Variants in SERINC1 observed in about 807,000 individuals in gnomAD.
The protein encoded by SERINC1 is tumor differentially expressed protein 2.
A neutral mutation model predicts 52.9 loss-of-function variants in SERINC1; 38 were observed. That is an observed-to-expected ratio of 0.72 (90% confidence interval 0.55 to 0.94). The LOEUF (loss-of-function observed/expected upper bound fraction) is 0.94. Among genes scored for constraint, SERINC1 ranks in the 40% least tolerant of loss-of-function variants. SERINC1 has a pLI of 0.00. For synonymous variants in SERINC1, 198 were observed against 183.1 expected (o/e 1.08, Z -0.66); for missense variants, 471 against 533.9 (o/e 0.88, Z 1.16).
At chr6:122,454,251 AT>A in intron 3 of SERINC1, 21 bp from the exon 4 acceptor site, 1 of 1,283,596 alleles carries the variant, frequency 7.8e-7, no homozygotes, top group Non-Finnish European at 1.1e-6. Flanking sequence ...AAGAAATATA[AT>A]TTTTTATTAA....
At chr6:122,457,681 T>C (rs1186393719) in intron 2 of SERINC1, among the ~76,000 whole-genome samples, 1 of 152,070 alleles carries the variant, frequency 6.6e-6, no homozygotes, top group East Asian at 1.9e-4. Context: ...CATCAGAACT[T>C]GACCATGGTG....
At chr6:122,469,442 T>C (rs1298366957) in intron 1 of SERINC1, among the ~76,000 whole-genome samples, 1 of 151,662 alleles carries the variant, frequency 6.6e-6, no homozygotes, top group Non-Finnish European at 1.5e-5. Flanking sequence ...AGTGGCGCCA[T>C]CTTGGCTCAC....
At chr6:122,461,879 A>C (rs1775109702) in intron 1 of SERINC1, among the ~76,000 whole-genome samples, 2 of 152,158 alleles carry the variant, frequency 1.3e-5, no homozygotes, top group African/African-American at 4.8e-5. Flanking sequence ...TTATTTAAAA[A>C]AATGGGCCAG....
intron 1 of SERINC1, among the ~76,000 whole-genome samples, chr6:122,463,459 T>C (rs1775139610): frequency 6.6e-6 from 1 of 152,132 alleles, no homozygotes; most frequent in Non-Finnish European, 1.5e-5. Flanking sequence ...AGGTACATGA[T>C]AAATCATCGG....
chr6:122,463,844 G>T (rs1775145934), intron 1 of SERINC1, among the ~76,000 whole-genome samples: 1 of 152,056 alleles, frequency 6.6e-6, no homozygotes, highest in Non-Finnish European at 1.5e-5. Flanking sequence ...TCCACACTCA[G>T]ATATTTATTC....
chr6:122,451,793 A>ATATATATATATATG (rs1260472752), intron 6 of SERINC1, 39 bp from the exon 7 acceptor site: 1 of 499,420 alleles, frequency 2.0e-6, no homozygotes, highest in African/African-American at 2.2e-5. Flanking sequence ...ATATATATAT[A>ATATATATATATATG]TAGCAACACA....
At chr6:122,448,348 AAAAT>A (rs1320872141) in intron 7 of SERINC1, among the ~76,000 whole-genome samples, 59 of 152,264 alleles carry the variant, frequency 3.9e-4, no homozygotes, top group African/African-American at 1.3e-3. Context: ...AAAAAAACAA[AAAAT>A]AAATTGGTCT....
At chr6:122,457,548 A>G (rs1488043672) in intron 2 of SERINC1, among the ~76,000 whole-genome samples, 1 of 152,176 alleles carries the variant, frequency 6.6e-6, no homozygotes, top group Non-Finnish European at 1.5e-5. Flanking sequence ...TTATGTGGTA[A>G]TTAAATCATG....
At chr6:122,454,909 C>T (rs1774971290) in intron 3 of SERINC1, among the ~76,000 whole-genome samples, 1 of 152,188 alleles carries the variant, frequency 6.6e-6, no homozygotes, top group African/African-American at 2.4e-5. Flanking sequence ...CATGTTCATG[C>T]ATGCATATAC....
intron 1 of SERINC1, among the ~76,000 whole-genome samples, chr6:122,460,850 A>G (rs1677221909): frequency 6.6e-6 from 1 of 152,238 alleles, no homozygotes; most frequent in South Asian, 2.1e-4. Flanking sequence ...AAGGAAGTAG[A>G]GGAAAACTTG....
chr6:122,464,942 T>G (rs1488262991), intron 1 of SERINC1, among the ~76,000 whole-genome samples: 1 of 152,148 alleles, frequency 6.6e-6, no homozygotes, highest in African/African-American at 2.4e-5. Flanking sequence ...TACAAAGTGC[T>G]TCTAGTTAAA....
rs980419549 is a variant in SERINC1 at position 122,443,950 on chromosome 6, G to A, written c.*1094C>T. ...TTATATAAGTACCTACTAAAGCCTA[G>A]TGTTTTGCAGTTACTTCCTTCCCTG... On this transcript the variant is annotated 3_prime_UTR_variant, in exon 10 of 10. Transcript: ENST00000339697. 4 of 152,052 alleles carry A rather than the reference G, an allele frequency of 2.6e-5. No homozygotes were observed. Among genetic ancestry groups the A allele is most frequent in the South Asian group, 2.1e-4 (1 of 4,824 alleles). The allele number at this position is 152,052 out of a possible 1,614,324, so 9.4% of individuals were successfully genotyped here. A position where few individuals can be genotyped will look rare whatever the true frequency, so the allele number is the denominator to read the frequency against.
chr6:122,444,975 A>G lies in SERINC1; in HGVS notation c.*69T>C. 1 of 1,484,866 alleles carries G rather than the reference A, an allele frequency of 6.7e-7. No individual in the cohort carries two copies. Among genetic ancestry groups the G allele is most frequent in the Non-Finnish European group, 9.2e-7 (1 of 1,085,782 alleles). The allele number at this position is 1,484,866 out of a possible 1,614,324, so 92.0% of individuals were successfully genotyped here. A position where few individuals can be genotyped will look rare whatever the true frequency, so the allele number is the denominator to read the frequency against. On this transcript the variant is annotated 3_prime_UTR_variant, in exon 10 of 10. Coordinates refer to ENST00000339697, the MANE Select transcript of SERINC1 (RefSeq NM_020755.4). ...GGGAAGCAAAAACATACACAACTTT[A>G]CAAAAGTTGGGAATACTGTTTTCAA...
chr6:122,468,050 C>T (rs763463816), intron 1 of SERINC1, among the ~76,000 whole-genome samples: 6 of 151,932 alleles, frequency 3.9e-5, no homozygotes, highest in South Asian at 2.1e-4. Flanking sequence ...TTTTCTTAAG[C>T]GCATAGAGAA....
intron 1 of SERINC1, among the ~76,000 whole-genome samples, chr6:122,463,569 G>C (rs1162104370): frequency 6.6e-6 from 1 of 151,980 alleles, no homozygotes; most frequent in Non-Finnish European, 1.5e-5. Context: ...TTAATAAAAG[G>C]CATATAGACA....
chr6:122,466,821 G>C (rs980094974), intron 1 of SERINC1, among the ~76,000 whole-genome samples: 5 of 152,168 alleles, frequency 3.3e-5, no homozygotes, highest in Non-Finnish European at 7.4e-5. Context: ...GTGAATAACA[G>C]AAAGACAATG....
At chr6:122,447,428 A>T (rs1774825722) in intron 7 of SERINC1, among the ~76,000 whole-genome samples, 163 bp from the exon 8 acceptor site, 1 of 152,234 alleles carries the variant, frequency 6.6e-6, no homozygotes, top group African/African-American at 2.4e-5. Flanking sequence ...TGCACTTATT[A>T]ATAAGACCTT....
intron 9 of SERINC1, among the ~76,000 whole-genome samples, chr6:122,446,066 T>G (rs1201981483): frequency 6.6e-6 from 1 of 152,040 alleles, no homozygotes; most frequent in Admixed American, 6.6e-5. Context: ...TTACAATTTG[T>G]TTATTAATAT....
Position 122,444,885 on chromosome 6 carries a change from T to C in SERINC1, c.*159A>G. The C allele has an allele frequency of 1.5e-6, 1 of 666,564 alleles. No individual in the cohort carries two copies. The highest frequency in any genetic ancestry group is 2.5e-6 in the Non-Finnish European group (1 of 405,046). The allele number at this position is 666,564 out of a possible 1,614,324, so 41.3% of individuals were successfully genotyped here. A position where few individuals can be genotyped will look rare whatever the true frequency, so the allele number is the denominator to read the frequency against. ...CTACTTCACATATCAATGCACTTGGTAAGAAAATAACAAAATGACAAGCAG... is the reference window on the plus strand; with the variant it reads ...CTACTTCACATATCAATGCACTTGGCAAGAAAATAACAAAATGACAAGCAG... On this transcript the variant is annotated 3_prime_UTR_variant, in exon 10 of 10. Coordinates refer to ENST00000339697, the MANE Select transcript of SERINC1 (RefSeq NM_020755.4).
Sources: allele counts gnomAD v4.1 joint callset (sites outside exome capture counted in the v4.1 genomes callset), GRCh38; gene constraint gnomAD v4.1.1; transcripts MANE v1.5; gene names NCBI Gene and HGNC (gene_info 2026-07-23, HGNC 2026-07-21).